The following ABHD15 variants were observed in gnomAD, a reference collection of about 807,000 sequenced individuals.
The protein encoded by ABHD15 is abhydrolase domain containing 15.
In ABHD15, 34 loss-of-function variants were observed where a neutral mutation model predicts 34.4. The observed-to-expected ratio is 0.99, with a 90% CI of 0.75 to 1.32. The LOEUF (loss-of-function observed/expected upper bound fraction) is 1.32. ABHD15 is among the 40% of genes most tolerant of loss of function. ABHD15 has a pLI of 0.00. For synonymous variants in ABHD15, 314 were observed against 299.2 expected (o/e 1.05, Z -0.51); for missense variants, 644 against 650.4 (o/e 0.99, Z 0.11).
chr17:29,566,360 T>G lies in ABHD15; in HGVS notation c.607A>C (p.Ser203Arg). 6.2e-7 allele frequency: 1 copy of G among 1,610,906 alleles called. No individual in the cohort carries two copies. Among genetic ancestry groups the G allele is most frequent in the South Asian group, 1.1e-5 (1 of 90,996 alleles). ...TCCCCGAAAGGCTGCAGCCGGGGGCTGACCAGTGGGCAACCGTGGTGGCCG... is the reference window on the plus strand; with the variant it reads ...TCCCCGAAAGGCTGCAGCCGGGGGCGGACCAGTGGGCAACCGTGGTGGCCG... ...RRGHHGCPLV[S>R]PRLQPFGDPS... The change falls in exon 1 of 2, where the codon AGC (serine) becomes CGC (arginine). Residue 203 changes from serine (S) to arginine (R), a missense_variant. Coordinates refer to ENST00000307201, the MANE Select transcript of ABHD15 (RefSeq NM_198147.3).
chr17:29,566,772 T>C lies in ABHD15; in HGVS notation c.195A>G (p.Pro65=). Residue 65 remains proline, a synonymous_variant, in exon 1 of 2, where the codon CCA becomes CCG. Transcript: ENST00000307201. ...AAACAAGGCTGCACCCTCCCGGCAG[T>C]GGCTCGCGCCCGTCGCTGAACTGGT... is the stretch of plus-strand genomic sequence containing the variant. ...PADQFSDGRE[P]LPGGCSLVCK... The C allele has an allele frequency of 6.6e-7, 1 of 1,521,750 alleles. No individual in the cohort carries two copies. Among genetic ancestry groups the C allele is most frequent in the Non-Finnish European group, 8.8e-7 (1 of 1,141,722 alleles). 94.3% of individuals were successfully genotyped at this position (1,521,750 alleles called of 1,614,324 possible). A position where few individuals can be genotyped will look rare whatever the true frequency, so the allele number is the denominator to read the frequency against.
In ABHD15 at chr17:29,564,712, G is replaced by A. The variant is rs149144641; in HGVS notation, c.881+1374C>T. 7.1e-3 allele frequency among the ~76,000 whole-genome samples: 1,075 copies of A among 152,238 alleles called. 15 individuals carry two copies. The highest frequency in any genetic ancestry group is 0.024 in the African/African-American group (1,002 of 41,526). ...TTATGAAAAATACAAAAATTAACCG[G>A]GCATGGTGGCATGTGCCTGTAGTCT... On this transcript the variant is annotated intron_variant, in intron 1 of 1. Transcript: ENST00000307201.
At chr17:29,565,861 C>T (rs556615231) in intron 1 of ABHD15, among the ~76,000 whole-genome samples, 7 of 152,324 alleles carry the variant, frequency 4.6e-5, no homozygotes, top group Admixed American at 4.6e-4. Context: ...GTTAGGAGTC[C>T]CTGCTCTAGC....
At chr17:29,564,688 T>C (rs1303205988) in intron 1 of ABHD15, among the ~76,000 whole-genome samples, 1 of 152,142 alleles carries the variant, frequency 6.6e-6, no homozygotes, top group Admixed American at 6.5e-5. Flanking sequence ...ATCCCATCTT[T>C]ATGAAAAATA....
At chr17:29,564,050 C>A (rs2032668786) in intron 1 of ABHD15, among the ~76,000 whole-genome samples, 1 of 152,208 alleles carries the variant, frequency 6.6e-6, no homozygotes. Flanking sequence ...ATCACTGCAC[C>A]TGTCTATGTG....
At position 29,566,293 on chromosome 17, in the gene ABHD15, CG is replaced by C. The variant is rs757452693; in HGVS notation, c.673del (p.Arg225AspfsTer10). 1.9e-6 allele frequency: 3 copies of C among 1,611,464 alleles called. No individual in the cohort carries two copies. The South Asian group carries it at 3.3e-5, about 18-fold the overall frequency. On this transcript the variant is annotated frameshift_variant, in exon 1 of 2. Coordinates refer to ENST00000307201, the MANE Select transcript of ABHD15 (RefSeq NM_198147.3). LOFTEE classifies it high-confidence loss of function. Reference protein sequence around the residue: ...LKEAVTYIRFRHPAAPLFAVS... With the variant: ...LKEAVTYIRFXHPAAPLFAVS... Reference sequence around the variant, plus strand: ...CGCGAACAGCGGCGCCGCCGGGTGTCGGAAGCGGATGTATGTGACCGCCTCC... The same window carrying C: ...CGCGAACAGCGGCGCCGCCGGGTGTCGAAGCGGATGTATGTGACCGCCTCC...
chr17:29,566,680 C>T lies in ABHD15; in HGVS notation c.287G>A (p.Gly96Asp). The change falls in exon 1 of 2, where the codon GGC becomes GAC. Residue 96 changes from glycine (G) to aspartate (D), a missense_variant. Gly to Asp is a moderately conservative substitution (Grantham distance 94). Coordinates refer to ENST00000307201, the MANE Select transcript of ABHD15 (RefSeq NM_198147.3). ...ALRRSEALEA[G>D]PRSWFSGPHL... Reference sequence around the variant, plus strand: ...GGGCCCGGAGAACCAGGAGCGCGGGCCGGCCTCCAGCGCCTCTGAGCGCCG... The same window carrying T: ...GGGCCCGGAGAACCAGGAGCGCGGGTCGGCCTCCAGCGCCTCTGAGCGCCG... The T allele has an allele frequency of 6.3e-7, 1 of 1,594,506 alleles. No homozygotes were observed. Among genetic ancestry groups the T allele is most frequent in the South Asian group, 1.1e-5 (1 of 89,854 alleles).
Position 29,562,174 on chromosome 17 carries a change from T to G in ABHD15, c.*387A>C, listed in dbSNP as rs1598542666. ...AATGGCTCCAGCTTGAGAATCGGGG[T>G]CACTGCCCAGTGACATACACAAACG... On this transcript the variant is annotated 3_prime_UTR_variant, in exon 2 of 2. Coordinates refer to ENST00000307201, the MANE Select transcript of ABHD15 (RefSeq NM_198147.3). 6.2e-6 allele frequency: 1 copy of G among 161,204 alleles called. No homozygotes were observed. The highest frequency in any genetic ancestry group is 1.3e-5 in the Non-Finnish European group (1 of 74,176). The allele number at this position is 161,204 out of a possible 1,614,324, so 10.0% of individuals were successfully genotyped here. A position where few individuals can be genotyped will look rare whatever the true frequency, so the allele number is the denominator to read the frequency against.
rs975077182 is a variant in ABHD15 at position 29,566,936 on chromosome 17, T to A, written c.31A>T (p.Ile11Phe). 4 of 1,446,774 alleles carry A rather than the reference T, an allele frequency of 2.8e-6. No individual in the cohort carries two copies. The highest frequency in any genetic ancestry group is 3.6e-6 in the Non-Finnish European group (4 of 1,108,714). 89.6% of individuals were successfully genotyped at this position (1,446,774 alleles called of 1,614,324 possible). A position where few individuals can be genotyped will look rare whatever the true frequency, so the allele number is the denominator to read the frequency against. MPPWGAALAL[I>F]LAVLALLGLL... is the part of the protein sequence containing the mutation. ...CCGAGAAGGGCGAGCACGGCCAAGA[T>A]GAGCGCGAGGGCGGCGCCCCACGGC... is the stretch of plus-strand genomic sequence containing the variant. Residue 11 changes from isoleucine (I) to phenylalanine (F), a missense_variant, in exon 1 of 2, where the codon ATC becomes TTC. By Grantham distance (21) the Ile-to-Phe change is conservative. Coordinates refer to ENST00000307201, the MANE Select transcript of ABHD15 (RefSeq NM_198147.3).
In ABHD15 at chr17:29,560,989, C is replaced by T. The variant is rs1445814064; in HGVS notation, c.*1572G>A. The stretch of plus-strand genomic sequence containing the variant: ...TAATTTTTCACAACAAGATAATGTC[C>T]CTTAGATTATCGAGTGCTGTCTACA... On this transcript the variant is annotated 3_prime_UTR_variant, in exon 2 of 2. Transcript: ENST00000307201. The T allele has an allele frequency of 6.6e-6, 1 of 152,078 alleles. No homozygotes were observed. Among genetic ancestry groups the T allele is most frequent in the Non-Finnish European group, 1.5e-5 (1 of 68,022 alleles). 9.4% of individuals were successfully genotyped at this position (152,078 alleles called of 1,614,324 possible). A position where few individuals can be genotyped will look rare whatever the true frequency, so the allele number is the denominator to read the frequency against.
At chr17:29,564,121 C>T (rs1331680563) in intron 1 of ABHD15, among the ~76,000 whole-genome samples, 1 of 152,228 alleles carries the variant, frequency 6.6e-6, no homozygotes, top group East Asian at 1.9e-4. Flanking sequence ...AACTTCTGGC[C>T]CTCTGTGGAG....
At chr17:29,563,232 T>C (rs2150789085) in intron 1 of ABHD15, 146 bp from the exon 2 acceptor site, 1 of 894,220 alleles carries the variant, frequency 1.1e-6, no homozygotes, top group South Asian at 1.8e-5. Flanking sequence ...TCGAAAACGT[T>C]TAATTTCATG....
Position 29,563,475 on chromosome 17 carries a change from G to A in ABHD15, c.882-389C>T, listed in dbSNP as rs190238923. On this transcript the variant is annotated intron_variant, in intron 1 of 1. Coordinates refer to ENST00000307201, the MANE Select transcript of ABHD15 (RefSeq NM_198147.3). ...GTGGGAGGACTGCTTGAGCCTGGGA[G>A]GTCAAGGCTGCAGTGAGCTATGATT... Among the ~76,000 whole-genome samples the A allele has an allele frequency of 9.3e-3, 1,418 of 152,190 alleles. 9 individuals carry two copies. Among genetic ancestry groups the A allele is most frequent in the Non-Finnish European group, 0.014 (922 of 68,010 alleles).
At position 29,562,513 on chromosome 17, in the gene ABHD15, C is replaced by T; in HGVS notation, c.*48G>A. 1.9e-6 allele frequency: 3 copies of T among 1,557,032 alleles called. No homozygotes were observed. Among genetic ancestry groups the T allele is most frequent in the African/African-American group, 1.4e-5 (1 of 73,172 alleles). ...CATCTTTCCAGGACTCCCCCTTGCC[C>T]AGCTCTGTTTTTCTTTGCAGGACTT... On this transcript the variant is annotated 3_prime_UTR_variant, in exon 2 of 2. Coordinates refer to ENST00000307201, the MANE Select transcript of ABHD15 (RefSeq NM_198147.3).
Position 29,566,250 on chromosome 17 carries a change from G to A in ABHD15, c.717C>T (p.Gly239=). Residue 239 remains glycine (G), a synonymous_variant, in exon 1 of 2, where the codon GGC becomes GGT. Transcript: ENST00000307201. The part of the protein sequence containing the change: ...APLFAVSEGS[G]SALLLSYLGE... ...CCAGGTAGGACAGGAGCAGCGCCGA[G>A]CCCGAGCCTTCGCTCACCGCGAACA... 6.2e-7 allele frequency: 1 copy of A among 1,610,626 alleles called. No individual in the cohort carries two copies. Among genetic ancestry groups the A allele is most frequent in the Non-Finnish European group, 8.5e-7 (1 of 1,178,894 alleles).
Position 29,567,012 on chromosome 17 carries a change from T to C in ABHD15, c.-46A>G, listed in dbSNP as rs2032734133. The C allele has an allele frequency of 7.9e-7, 1 of 1,258,558 alleles. No individual in the cohort carries two copies. Among genetic ancestry groups the C allele is most frequent in the African/African-American group, 1.6e-5 (1 of 63,778 alleles). 78.0% of individuals were successfully genotyped at this position (1,258,558 alleles called of 1,614,324 possible). On this transcript the variant is annotated 5_prime_UTR_variant, in exon 1 of 2. Transcript: ENST00000307201. The surrounding 1 kb of genome is among the most constrained non-coding windows in gnomAD (Gnocchi z 6.6). ...GCGGGCAGCGGGCGGCGGGGCCGTC[T>C]ACTCGGCGAGCTCCGCGCTTTGCCC... is the stretch of plus-strand genomic sequence containing the variant.
In ABHD15 at chr17:29,566,092, AG is replaced by A. The variant is rs2032703195; in HGVS notation, c.874del (p.Leu292SerfsTer79). 4 of 1,535,010 alleles carry A rather than the reference AG, an allele frequency of 2.6e-6. No homozygotes were observed. The African/African-American group carries it at 5.5e-5, about 21-fold the overall frequency. On this transcript the variant is annotated frameshift_variant, in exon 1 of 2. Transcript: ENST00000307201. LOFTEE classifies it high-confidence loss of function. ...RGFLLHQKIA[L>X]SRYATALEDT... ...TGCGGCCTCCGTTACCCACCTGCTG[AG>A]GGCGATCTTCTGGTGGAGCAGAAAG...
At position 29,563,009 on chromosome 17, in the gene ABHD15, G is replaced by A. The variant is rs763156782; in HGVS notation, c.959C>T (p.Ala320Val). ...GAAGCTTTTGGTGTGGCAGAAGAGA[G>A]CCTCCTCAAACTCTCGAAGGGAACG... is the stretch of plus-strand genomic sequence containing the variant. ...RSRSLREFEE[A>V]LFCHTKSFPI... is the part of the protein sequence containing the mutation. The change falls in exon 2 of 2, where the codon GCT (alanine) becomes GTT (valine). Residue 320 changes from alanine to valine, a missense_variant. By Grantham distance (64) the Ala-to-Val change is moderately conservative. Coordinates refer to ENST00000307201, the MANE Select transcript of ABHD15 (RefSeq NM_198147.3). 3 of 1,613,434 alleles carry A rather than the reference G, an allele frequency of 1.9e-6. 1 individual carries two copies. Among genetic ancestry groups the A allele is most frequent in the South Asian group, 2.2e-5 (2 of 91,084 alleles).
rs1468440626 is a variant in ABHD15, at chr17:29,566,614, GGCGCTAC to G, written c.346_352del (p.Val116LeufsTer17). On this transcript the variant is annotated frameshift_variant, in exon 1 of 2. Coordinates refer to ENST00000307201, the MANE Select transcript of ABHD15 (RefSeq NM_198147.3). LOFTEE classifies it high-confidence loss of function. ...GTACTCCCGGGCCAGCTCAGGCCCA[GGCGCTAC>G]GGGCAGGACGAAGTGGCAGAGGGTC... is the stretch of plus-strand genomic sequence containing the variant. 5 of 1,608,650 alleles carry G rather than the reference GGCGCTAC, an allele frequency of 3.1e-6. No individual in the cohort carries two copies.
Sources: gnomAD v4.1 joint callset for allele counts (sites outside exome capture counted in the v4.1 genomes callset) on GRCh38, gnomAD v4.1.1 for gene constraint, Gnocchi (gnomAD v3.1) non-coding constraint, MANE v1.5 for transcripts, NCBI Gene and HGNC (gene_info 2026-07-23, HGNC 2026-07-21) for gene names.